NCALD: variants seen among roughly 807,000 people sequenced by gnomAD.
NCALD encodes the protein neurocalcin delta.
A neutral mutation model predicts 18.6 loss-of-function variants in NCALD; 10 were observed. The observed-to-expected ratio is 0.54, with a 90% CI of 0.33 to 0.91. NCALD has a LOEUF of 0.91. NCALD is among the 40% of genes least tolerant of loss of function. The pLI is 0.03. For synonymous variants in NCALD, 88 were observed against 87.4 expected, an observed-to-expected ratio of 1.01 and a Z score of -0.04; for missense variants, 184 against 247.6, an observed-to-expected ratio of 0.74 and a Z score of 1.72.
At chr8:102,034,987 C>A (rs1259635051) in intron 1 of NCALD, among the ~76,000 whole-genome samples, 1 of 152,152 alleles carries the variant, frequency 6.6e-6, no homozygotes, top group Non-Finnish European at 1.5e-5. Context: ...TTCCCCCTGC[C>A]CTTAGCCCCT....
intron 4 of NCALD, among the ~76,000 whole-genome samples, chr8:101,809,599 T>C (rs1813231972): frequency 6.6e-6 from 1 of 152,194 alleles, no homozygotes; most frequent in African/African-American, 2.4e-5. Context: ...CAGGCTGGAG[T>C]GCAGTGGCAT....
intron 4 of NCALD, among the ~76,000 whole-genome samples, chr8:101,869,257 G>A (rs1415279776): frequency 6.6e-6 from 1 of 152,212 alleles, no homozygotes; most frequent in Non-Finnish European, 1.5e-5. Context: ...CAGGCCCAAT[G>A]TAATTACAAG....
intron 2 of NCALD, among the ~76,000 whole-genome samples, chr8:101,932,516 G>C (rs558936213): frequency 6.6e-6 from 1 of 152,232 alleles, no homozygotes; most frequent in Non-Finnish European, 1.5e-5. Context: ...ATATGGCCAA[G>C]GCAAGCTGTG....
chr8:101,690,631 C>G (rs568166195), intron 3 of NCALD: 3 of 985,448 alleles, frequency 3.0e-6, no homozygotes, highest in East Asian at 2.3e-4. Context: ...TCCCTCCCCG[C>G]CAGAACCTAG....
chr8:101,776,407 AATTTC>A (rs1811793158), intron 1 of NCALD, among the ~76,000 whole-genome samples: 1 of 152,180 alleles, frequency 6.6e-6, no homozygotes, highest in Admixed American at 6.5e-5. Context: ...TTACAAGACT[AATTTC>A]AATTAACCAG....
At chr8:101,914,348 C>T (rs1817904818) in intron 3 of NCALD, among the ~76,000 whole-genome samples, 2 of 152,142 alleles carry the variant, frequency 1.3e-5, no homozygotes, top group African/African-American at 2.4e-5. Flanking sequence ...CTTCTCATCA[C>T]ATCATGTCAA....
At chr8:101,997,961 T>C (rs1458056039) in intron 2 of NCALD, among the ~76,000 whole-genome samples, 3 of 152,294 alleles carry the variant, frequency 2.0e-5, no homozygotes, top group East Asian at 3.9e-4. Flanking sequence ...AGTAATTACA[T>C]TTCACTCCAA....
chr8:101,742,343 A>T (rs1810239191), intron 1 of NCALD, among the ~76,000 whole-genome samples: 1 of 151,916 alleles, frequency 6.6e-6, no homozygotes, highest in African/African-American at 2.4e-5. Context: ...AACTGTGAAG[A>T]TAAATTTGCT....
intron 1 of NCALD, among the ~76,000 whole-genome samples, chr8:102,032,998 C>T (rs1323615821): frequency 6.6e-6 from 1 of 152,184 alleles, no homozygotes; most frequent in East Asian, 1.9e-4. Flanking sequence ...GTGAATTACA[C>T]TGGATTCTTT....
At chr8:101,843,446 G>GCA (rs148295172) in intron 4 of NCALD, among the ~76,000 whole-genome samples, 2,380 of 149,692 alleles carry the variant, frequency 0.016, 31 homozygotes, top group Middle Eastern at 0.059. Flanking sequence ...ACATGTGCAT[G>GCA]CACACACACA....
chr8:101,909,098 T>C (rs761631792), intron 3 of NCALD, among the ~76,000 whole-genome samples: 2 of 152,200 alleles, frequency 1.3e-5, no homozygotes, highest in Non-Finnish European at 2.9e-5. Flanking sequence ...ACTGATCTGC[T>C]TTTTGTTCCC....
intron 1 of NCALD, among the ~76,000 whole-genome samples, chr8:101,722,907 C>G (rs1479253330): frequency 6.6e-6 from 1 of 152,190 alleles, no homozygotes; most frequent in Middle Eastern, 3.2e-3. Context: ...AAACACTTTA[C>G]TAAGTATGAG....
At chr8:101,905,947 A>C (rs1013802354) in intron 3 of NCALD, among the ~76,000 whole-genome samples, 1 of 152,234 alleles carries the variant, frequency 6.6e-6, no homozygotes, top group Non-Finnish European at 1.5e-5. Context: ...TAGTGAAGTA[A>C]GTCAATTTGA....
At chr8:101,773,354 T>C (rs1586464893) in intron 1 of NCALD, among the ~76,000 whole-genome samples, 2 of 152,302 alleles carry the variant, frequency 1.3e-5, no homozygotes, top group African/African-American at 4.8e-5. Context: ...CAGAGCAATC[T>C]AGCTCTACTA....
intron 2 of NCALD, among the ~76,000 whole-genome samples, chr8:101,718,427 G>A (rs1816188973): frequency 6.6e-6 from 1 of 151,966 alleles, no homozygotes; most frequent in Non-Finnish European, 1.5e-5. Flanking sequence ...TTCACAAACT[G>A]GATTCCACAG....
At chr8:101,696,383 T>A (rs1465858761) in intron 2 of NCALD, among the ~76,000 whole-genome samples, 1 of 152,140 alleles carries the variant, frequency 6.6e-6, no homozygotes, top group African/African-American at 2.4e-5. Flanking sequence ...TCTGTGATGA[T>A]ATAGTGGGAG....
chr8:101,817,924 G>A (rs1813564558), intron 4 of NCALD, among the ~76,000 whole-genome samples: 1 of 152,160 alleles, frequency 6.6e-6, no homozygotes, highest in African/African-American at 2.4e-5. Context: ...AAACAGCTGC[G>A]GGAAGGATAA....
intron 2 of NCALD, among the ~76,000 whole-genome samples, chr8:101,919,526 A>C (rs1222149841): frequency 6.6e-6 from 1 of 152,158 alleles, no homozygotes; most frequent in Non-Finnish European, 1.5e-5. Context: ...AAAAACTGAC[A>C]AATAAGAACT....
chr8:101,823,814 T>C (rs1271668788), intron 4 of NCALD, among the ~76,000 whole-genome samples: 6 of 152,188 alleles, frequency 3.9e-5, no homozygotes, highest in South Asian at 2.1e-4. Context: ...GGCAGCACCA[T>C]TGAAACAATT....
Sources: allele counts gnomAD v4.1 joint callset (sites outside exome capture counted in the v4.1 genomes callset), GRCh38; gene constraint gnomAD v4.1.1; transcripts MANE v1.5; gene names NCBI Gene and HGNC (gene_info 2026-07-23, HGNC 2026-07-21).